Variants in PCDHGA5 observed in about 807,000 individuals in gnomAD.
The protein encoded by PCDHGA5 is protocadherin gamma subfamily A, 5.
In PCDHGA5, 36 loss-of-function variants were observed where a neutral mutation model predicts 56.7. The ratio of observed to expected loss-of-function variants is 0.64; its 90% CI spans 0.49 to 0.84. The LOEUF (loss-of-function observed/expected upper bound fraction) is 0.84. Among genes scored for constraint, PCDHGA5 ranks in the 40% least tolerant of loss-of-function variants. PCDHGA5 has a pLI of 0.00. For synonymous variants in PCDHGA5, 563 were observed against 520.2 expected, an observed-to-expected ratio of 1.08 and a Z score of -1.12; for missense variants, 1,305 against 1,201.5, an observed-to-expected ratio of 1.09 and a Z score of -1.27.
chr5:141,366,216 CG>C lies in PCDHGA5; in HGVS notation c.1887del (p.Arg630GlufsTer46), dbSNP rs1338698624. On this transcript the variant is annotated frameshift_variant, in exon 1 of 4. Transcript: ENST00000518069. LOFTEE classifies it high-confidence loss of function. Reference protein sequence around the residue: ...VGLHTGEVRTARALLDRDALK... With the variant: ...VGLHTGEVRTXRALLDRDALK... ...CTGCACACGGGCGAGGTGCGCACAG[CG>C]CGAGCCCTGCTGGACAGAGACGCGC... The C allele has an allele frequency of 6.2e-7, 1 of 1,613,804 alleles. No individual in the cohort carries two copies. The highest frequency in any genetic ancestry group is 8.5e-7 in the Non-Finnish European group (1 of 1,180,040).
At chr5:141,427,912 A>G in intron 1 of PCDHGA5, 1 of 1,577,806 alleles carries the variant, frequency 6.3e-7, no homozygotes, top group East Asian at 2.2e-5. Flanking sequence ...CTCAGCGCCA[A>G]CATGAGCCGG....
chr5:141,456,678 T>C (rs2098875796), intron 1 of PCDHGA5, among the ~76,000 whole-genome samples: 1 of 152,152 alleles, frequency 6.6e-6, no homozygotes, highest in South Asian at 2.1e-4. Flanking sequence ...TAAAAATGCA[T>C]TACTGGCCAG....
chr5:141,432,435 C>T lies in PCDHGA5; in HGVS notation c.2422-62372C>T. 1 of 1,614,212 alleles carries T rather than the reference C, an allele frequency of 6.2e-7. No homozygotes were observed. Among genetic ancestry groups the T allele is most frequent in the Non-Finnish European group, 8.5e-7 (1 of 1,180,038 alleles). The stretch of plus-strand genomic sequence containing the variant: ...TTCGTGCTGGACCAGAACGACAATG[C>T]GCCCGAGATCCTGTACCCCGCCCTC... On this transcript the variant is annotated intron_variant, in intron 1 of 3. Transcript: ENST00000518069. This position sits in a 1 kb window ranked among gnomAD's most constrained non-coding sequence, Gnocchi z 6.0.
intron 1 of PCDHGA5, among the ~76,000 whole-genome samples, chr5:141,438,606 A>G: frequency 3.6e-5 from 1 of 27,780 alleles, no homozygotes; most frequent in African/African-American, 2.7e-4. Flanking sequence ...ATATATATAT[A>G]TATATATATA....
chr5:141,504,180 A>G (rs1195970606), intron 2 of PCDHGA5, among the ~76,000 whole-genome samples: 1 of 152,236 alleles, frequency 6.6e-6, no homozygotes, highest in Non-Finnish European at 1.5e-5. Context: ...ATTCAAAAAA[A>G]TCATGAAAAT....
At chr5:141,454,796 ATTTTTTTTTTTT>A (rs61612330) in intron 1 of PCDHGA5, among the ~76,000 whole-genome samples, 76 of 77,462 alleles carry the variant, frequency 9.8e-4, no homozygotes, top group African/African-American at 3.9e-3. Flanking sequence ...CATGGTTCTA[ATTTTTTTTTTTT>A]TTTTTTTTTT....
intron 1 of PCDHGA5, chr5:141,389,112 C>A (rs376966829): frequency 1.5e-5 from 25 of 1,613,966 alleles, no homozygotes; most frequent in Non-Finnish European, 2.0e-5. Context: ...TGTTCTAGAC[C>A]GCGAGCAGAA....
chr5:141,378,647 G>A lies in PCDHGA5; in HGVS notation c.2421+11896G>A, dbSNP rs576972610. On this transcript the variant is annotated intron_variant, in intron 1 of 3. Coordinates refer to ENST00000518069, the MANE Select transcript of PCDHGA5 (RefSeq NM_018918.3). Reference sequence around the variant, plus strand: ...CTGACTGGTGAATGGGAGAACAAATGTTAATGAGGTTCAAATAAAAATTTA... The same window carrying A: ...CTGACTGGTGAATGGGAGAACAAATATTAATGAGGTTCAAATAAAAATTTA... 11 of 152,304 alleles carry A rather than the reference G, an allele frequency of 7.2e-5. No homozygotes were observed. The East Asian group carries it at 1.9e-3, about 27-fold the overall frequency. 9.4% of individuals were successfully genotyped at this position (152,304 alleles called of 1,614,324 possible).
chr5:141,426,817 C>G (rs942714141), intron 1 of PCDHGA5: 4 of 456,594 alleles, frequency 8.8e-6, no homozygotes, highest in Non-Finnish European at 1.8e-5. Flanking sequence ...GAACATTTCT[C>G]TCTGATGATG....
chr5:141,494,775 A>G (rs1202233200), intron 1 of PCDHGA5, 32 bp from the exon 2 acceptor site: 1 of 1,613,580 alleles, frequency 6.2e-7, no homozygotes. Flanking sequence ...TCTCACGGGT[A>G]CTCAGCCCCT....
chr5:141,405,770 G>T (rs989163026), intron 1 of PCDHGA5, among the ~76,000 whole-genome samples: 1 of 152,032 alleles, frequency 6.6e-6, no homozygotes. Context: ...GAGCCACTGC[G>T]CCTGGCCCTT....
At chr5:141,415,293 C>T in intron 1 of PCDHGA5, 1 of 1,614,192 alleles carries the variant, frequency 6.2e-7, no homozygotes, top group Non-Finnish European at 8.5e-7. Flanking sequence ...CGGTCTCCTG[C>T]GTCTTCCTGG....
At chr5:141,411,732 A>C (rs1437829295) in intron 1 of PCDHGA5, 4 of 152,694 alleles carry the variant, frequency 2.6e-5, no homozygotes, top group African/African-American at 9.7e-5. Flanking sequence ...ACATTTAAAA[A>C]TTAGCAGGGT....
rs1352437587 is a variant in PCDHGA5 at position 141,389,683 on chromosome 5, C to T, written c.2421+22932C>T. The stretch of plus-strand genomic sequence containing the variant: ...GTGGACGCAGACTCAGGACACAACG[C>T]CTGGCTGTCCTACCACGTGCTGCAG... On this transcript the variant is annotated intron_variant, in intron 1 of 3. Coordinates refer to ENST00000518069, the MANE Select transcript of PCDHGA5 (RefSeq NM_018918.3). 14 of 1,612,374 alleles carry T rather than the reference C, an allele frequency of 8.7e-6. No individual in the cohort carries two copies. In the Admixed American group the frequency reaches 2.3e-4, roughly 27 times the overall value.
At chr5:141,506,231 A>G (rs1453468632) in intron 3 of PCDHGA5, among the ~76,000 whole-genome samples, 4 of 152,082 alleles carry the variant, frequency 2.6e-5, no homozygotes, top group African/African-American at 4.8e-5. Context: ...CAGGAGGATC[A>G]TGAGGTCAGG....
At position 141,491,070 on chromosome 5, in the gene PCDHGA5, G is replaced by T. The variant is rs1405880268; in HGVS notation, c.2422-3737G>T. On this transcript the variant is annotated intron_variant, in intron 1 of 3. Transcript: ENST00000518069. The surrounding 1 kb of genome is among the most constrained non-coding windows in gnomAD (Gnocchi z 6.9). ...ATGCGTGGCTCTCCTACTCACTGTTGCCACAGTCCACAGCCCCAGGACTGT... is the reference window on the plus strand; with the variant it reads ...ATGCGTGGCTCTCCTACTCACTGTTTCCACAGTCCACAGCCCCAGGACTGT... 6.2e-7 allele frequency: 1 copy of T among 1,614,162 alleles called. No homozygotes were observed. Among genetic ancestry groups the T allele is most frequent in the Non-Finnish European group, 8.5e-7 (1 of 1,180,038 alleles).
At chr5:141,376,223 C>T (rs1772425823) in intron 1 of PCDHGA5, 1 of 1,614,084 alleles carries the variant, frequency 6.2e-7, no homozygotes, top group Non-Finnish European at 8.5e-7. Context: ...GCTGCTGGCG[C>T]TCAGACTGCA....
chr5:141,450,468 A>G (rs1187171122), intron 1 of PCDHGA5, among the ~76,000 whole-genome samples: 2 of 151,696 alleles, frequency 1.3e-5, no homozygotes, highest in African/African-American at 4.9e-5. Flanking sequence ...TTTTATATAT[A>G]GAGTTTGTTT....
At chr5:141,377,979 G>A (rs887213407) in intron 1 of PCDHGA5, 1 of 152,086 alleles carries the variant, frequency 6.6e-6, no homozygotes, top group African/African-American at 2.4e-5. Context: ...ATGTTCCTGG[G>A]TTGCAATCCT....
Sources: allele counts gnomAD v4.1 joint callset (sites outside exome capture counted in the v4.1 genomes callset), GRCh38; gene constraint gnomAD v4.1.1; non-coding constraint Gnocchi (gnomAD v3.1); transcripts MANE v1.5; gene names NCBI Gene and HGNC (gene_info 2026-07-23, HGNC 2026-07-21).